DNAH7: variants seen among roughly 807,000 people sequenced by gnomAD.
The protein encoded by DNAH7 is dynein axonemal heavy chain 7.
A neutral mutation model predicts 444.6 loss-of-function variants in DNAH7; 397 were observed. The observed-to-expected ratio is 0.89, with a 90% CI of 0.82 to 0.97. The LOEUF (loss-of-function observed/expected upper bound fraction) is 0.97, where lower values mean the gene tolerates loss of function less well. Ranked by LOEUF, DNAH7 falls within the 50% of genes least tolerant of loss-of-function variation. The probability of loss-of-function intolerance (pLI) is 0.00; values close to 1 mark genes in which losing one functional copy is unlikely to be tolerated. For synonymous variants in DNAH7, 1,636 were observed against 1,624.4 expected (o/e 1.01, Z -0.17); for missense variants, 4,902 against 4,800.8 (o/e 1.02, Z -0.62).
chr2:195,759,156 A>G (rs922798394), intron 61 of DNAH7, among the ~76,000 whole-genome samples: 10 of 152,098 alleles, frequency 6.6e-5, no homozygotes, highest in African/African-American at 2.2e-4. Flanking sequence ...TGAGGAGAGG[A>G]GAGGGAAGAG....
At chr2:196,028,406 G>A (rs943004727) in intron 5 of DNAH7, among the ~76,000 whole-genome samples, 3 of 152,080 alleles carry the variant, frequency 2.0e-5, no homozygotes. Flanking sequence ...ATAGATATGA[G>A]TTTTAAAAAG....
intron 15 of DNAH7, among the ~76,000 whole-genome samples, chr2:195,979,759 A>C (rs1390949231): frequency 6.6e-6 from 1 of 152,064 alleles, no homozygotes; most frequent in Non-Finnish European, 1.5e-5. Flanking sequence ...AAATAAATAA[A>C]ATCAGAGATG....
chr2:195,751,746 G>A (rs1043037533), intron 63 of DNAH7, among the ~76,000 whole-genome samples: 1 of 152,130 alleles, frequency 6.6e-6, no homozygotes, highest in Admixed American at 6.6e-5. Flanking sequence ...ACAGGTGGGC[G>A]GCGGCTAGAA....
chr2:195,872,544 C>G lies in DNAH7; in HGVS notation c.6414-75G>C. The G allele has an allele frequency of 1.2e-5, 11 of 919,614 alleles. No individual in the cohort carries two copies. The South Asian group carries it at 2.0e-4, about 17-fold the overall frequency. 57.0% of individuals were successfully genotyped at this position (919,614 alleles called of 1,614,324 possible). A position where few individuals can be genotyped will look rare whatever the true frequency, so the allele number is the denominator to read the frequency against. Reference sequence around the variant, plus strand: ...ATTACGACACAAAAAGGATATTTAGCAGGACCAACATAAAATTTTAATTTT... The same window carrying G: ...ATTACGACACAAAAAGGATATTTAGGAGGACCAACATAAAATTTTAATTTT... On this transcript the variant is annotated intron_variant, in intron 39 of 64. Coordinates refer to ENST00000312428, the MANE Select transcript of DNAH7 (RefSeq NM_018897.3).
intron 17 of DNAH7, among the ~76,000 whole-genome samples, chr2:195,962,040 G>GA (rs1445328927): frequency 2.0e-5 from 3 of 152,150 alleles, no homozygotes; most frequent in Non-Finnish European, 4.4e-5. Context: ...CTTCTGTAAA[G>GA]AAAATGAAAC....
chr2:196,027,007 T>A, intron 6 of DNAH7, 67 bp from the exon 7 acceptor site: 1 of 1,286,274 alleles, frequency 7.8e-7, no homozygotes, highest in Non-Finnish European at 1.1e-6. Flanking sequence ...AAAATAAAAC[T>A]ACCAAGCAAA....
intron 61 of DNAH7, among the ~76,000 whole-genome samples, chr2:195,767,043 A>G (rs996772398): frequency 2.0e-5 from 3 of 151,888 alleles, no homozygotes; most frequent in Admixed American, 6.6e-5. Context: ...TTTCTATTTC[A>G]TTAATTTGTC....
chr2:195,753,357 C>A (rs918708989), intron 63 of DNAH7, among the ~76,000 whole-genome samples: 1 of 152,062 alleles, frequency 6.6e-6, no homozygotes. Context: ...TGTTACAAAC[C>A]ATCTTGAGAT....
intron 1 of DNAH7, 71 bp downstream of exon 1, chr2:196,068,626 C>T: frequency 1.3e-6 from 2 of 1,544,470 alleles, no homozygotes; most frequent in East Asian, 2.4e-5. Context: ...GCAGGAGGGG[C>T]TTCCACCACT....
chr2:195,798,517 C>A (rs1696274102), intron 55 of DNAH7, among the ~76,000 whole-genome samples: 1 of 148,360 alleles, frequency 6.7e-6, no homozygotes, highest in Admixed American at 6.8e-5. Flanking sequence ...TTTTTAAAGA[C>A]AAGGCATGTA....
At chr2:195,880,370 C>T (rs1157745111) in intron 36 of DNAH7, among the ~76,000 whole-genome samples, 6 of 150,344 alleles carry the variant, frequency 4.0e-5, no homozygotes, top group Non-Finnish European at 7.4e-5. Context: ...ACTCTGTCGC[C>T]CAGGCTGGCG....
At chr2:195,828,660 TC>T (rs1251295040) in intron 48 of DNAH7, among the ~76,000 whole-genome samples, 3 of 150,210 alleles carry the variant, frequency 2.0e-5, no homozygotes, top group African/African-American at 7.3e-5. Context: ...TCCTTTCCCA[TC>T]AAAGGACTAT....
chr2:195,966,892 T>A (rs866422484), intron 17 of DNAH7, among the ~76,000 whole-genome samples: 1 of 152,042 alleles, frequency 6.6e-6, no homozygotes, highest in Non-Finnish European at 1.5e-5. Flanking sequence ...GCTGTTTTTT[T>A]TAAAAAAACC....
At chr2:195,778,644 ATATAT>A (rs1214561187) in intron 58 of DNAH7, among the ~76,000 whole-genome samples, 930 of 39,038 alleles carry the variant, frequency 0.024, 106 homozygotes, top group African/African-American at 0.036. Flanking sequence ...AAATAAATAA[ATATAT>A]ATATATATAT....
chr2:195,907,374 A>G (rs1307413027), intron 25 of DNAH7, among the ~76,000 whole-genome samples: 1 of 152,062 alleles, frequency 6.6e-6, no homozygotes, highest in Non-Finnish European at 1.5e-5. Context: ...AAATAAGATG[A>G]CTTCTGTTGC....
chr2:195,830,825 C>T (rs1487137058), intron 48 of DNAH7, among the ~76,000 whole-genome samples: 1 of 152,184 alleles, frequency 6.6e-6, no homozygotes, highest in African/African-American at 2.4e-5. Flanking sequence ...TAATCTCTTT[C>T]TGCCCCTTTA....
At chr2:196,053,353 G>A (rs1044079119) in intron 2 of DNAH7, among the ~76,000 whole-genome samples, 7 of 152,188 alleles carry the variant, frequency 4.6e-5, no homozygotes, top group Admixed American at 1.3e-4. Context: ...CTCAGTTTGC[G>A]GAAGACAGTC....
chr2:195,974,730 T>A (rs58025037), intron 15 of DNAH7, among the ~76,000 whole-genome samples: 14 of 139,160 alleles, frequency 1.0e-4, no homozygotes, highest in African/African-American at 3.2e-4. Context: ...ATTCTAAAAA[T>A]ATATATAGGC....
At position 195,882,006 on chromosome 2, in the gene DNAH7, A is replaced by G; in HGVS notation, c.5764-14T>C. On this transcript the variant is annotated splice_polypyrimidine_tract_variant and intron_variant, in intron 35 of 64. Transcript: ENST00000312428. Reference sequence around the variant, plus strand: ...TTTTCCTATTCCCTGTTTATAATTAACAACCAAGTAATGAATGCTATAAAA... The same window carrying G: ...TTTTCCTATTCCCTGTTTATAATTAGCAACCAAGTAATGAATGCTATAAAA... The G allele has an allele frequency of 6.2e-7, 1 of 1,605,282 alleles. No homozygotes were observed. Among genetic ancestry groups the G allele is most frequent in the South Asian group, 1.1e-5 (1 of 90,696 alleles).
Sources: gnomAD v4.1 joint callset for allele counts (sites outside exome capture counted in the v4.1 genomes callset) on GRCh38, gnomAD v4.1.1 for gene constraint, MANE v1.5 for transcripts, NCBI Gene and HGNC (gene_info 2026-07-23, HGNC 2026-07-21) for gene names.